Variants in ARFIP1 observed in about 807,000 individuals in gnomAD.
ARFIP1 encodes arfaptin-1.
ARFIP1 carries 24 observed loss-of-function variants against 42.5 expected under a neutral mutation model. The observed-to-expected ratio is 0.57, with a 90% CI of 0.41 to 0.80. The LOEUF (loss-of-function observed/expected upper bound fraction) is 0.80, where lower values mean the gene tolerates loss of function less well. Among genes scored for constraint, ARFIP1 ranks in the 30% least tolerant of loss-of-function variants. The pLI, the probability that ARFIP1 is intolerant of heterozygous loss-of-function variation, is 0.00. For missense variants in ARFIP1, 354 were observed against 434.0 expected (o/e 0.82, Z 1.64); for synonymous variants, 141 against 153.7 (o/e 0.92, Z 0.61).
At chr4:152,781,565 A>G (rs1730502325) in intron 1 of ARFIP1, among the ~76,000 whole-genome samples, 1 of 152,138 alleles carries the variant, frequency 6.6e-6, no homozygotes, top group Non-Finnish European at 1.5e-5. Context: ...CTGTTCTCTC[A>G]GAGCGGCTAC....
At chr4:152,879,837 A>G (rs996093235) in intron 5 of ARFIP1, among the ~76,000 whole-genome samples, 1 of 152,038 alleles carries the variant, frequency 6.6e-6, no homozygotes, top group Non-Finnish European at 1.5e-5. Context: ...CAACAGGAGC[A>G]AAACTCCATC....
rs1366834298 is a variant in ARFIP1, at chr4:152,885,721, G to A, written c.792-2412G>A. 2.6e-5 allele frequency among the ~76,000 whole-genome samples: 4 copies of A among 151,758 alleles called. No homozygotes were observed. In the East Asian group the frequency reaches 5.8e-4, roughly 22 times the overall value. On this transcript the variant is annotated intron_variant, in intron 7 of 8. Transcript: ENST00000353617. ...GTTAATCACTGTTGTTTAGAAATGC[G>A]CTCCAAGGCTATTGAAGGATATTTG...
chr4:152,901,864 T>C (rs1737866556), intron 8 of ARFIP1, among the ~76,000 whole-genome samples: 1 of 152,342 alleles, frequency 6.6e-6, no homozygotes, highest in Non-Finnish European at 1.5e-5. Context: ...CAATCCTGTG[T>C]TAGATCCTTG....
intron 1 of ARFIP1, among the ~76,000 whole-genome samples, chr4:152,787,708 A>G (rs1197547016): frequency 6.6e-6 from 1 of 152,234 alleles, no homozygotes; most frequent in Non-Finnish European, 1.5e-5. Flanking sequence ...AGTATTATAT[A>G]AAATTACCTT....
chr4:152,870,725 T>G lies in ARFIP1; in HGVS notation c.203-28T>G, dbSNP rs776588490. 4 of 1,534,870 alleles carry G rather than the reference T, an allele frequency of 2.6e-6. No homozygotes were observed. In the South Asian group the frequency reaches 4.5e-5, roughly 17 times the overall value. Reference sequence around the variant, plus strand: ...CAGTATGTGGAGGAGGAAAAGGATTTTCACAGTTAAAATGTCTACCTTTTC... The same window carrying G: ...CAGTATGTGGAGGAGGAAAAGGATTGTCACAGTTAAAATGTCTACCTTTTC... On this transcript the variant is annotated intron_variant, in intron 3 of 8. Transcript: ENST00000353617.
chr4:152,889,619 T>C (rs1187049976), intron 8 of ARFIP1, among the ~76,000 whole-genome samples: 4 of 129,790 alleles, frequency 3.1e-5, no homozygotes, highest in Admixed American at 2.5e-4. Context: ...TATATACATA[T>C]ATATACTATA....
At chr4:152,816,838 T>G (rs971314658) in intron 1 of ARFIP1, among the ~76,000 whole-genome samples, 2 of 152,226 alleles carry the variant, frequency 1.3e-5, no homozygotes, top group African/African-American at 4.8e-5. Context: ...ATATGACTCT[T>G]TTTCCACTCT....
At chr4:152,905,660 C>G (rs1738295346) in intron 8 of ARFIP1, among the ~76,000 whole-genome samples, 1 of 142,630 alleles carries the variant, frequency 7.0e-6, no homozygotes, top group Admixed American at 7.5e-5. Flanking sequence ...TCAAGCGATT[C>G]TCCTGCCTCA....
At chr4:152,825,376 T>C (rs1303448488) in intron 1 of ARFIP1, among the ~76,000 whole-genome samples, 2 of 152,082 alleles carry the variant, frequency 1.3e-5, no homozygotes, top group Non-Finnish European at 2.9e-5. Flanking sequence ...TAGAACAGAA[T>C]AGGGAACCCA....
chr4:152,790,590 G>A (rs1209427538), intron 1 of ARFIP1, among the ~76,000 whole-genome samples: 1 of 152,078 alleles, frequency 6.6e-6, no homozygotes, highest in African/African-American at 2.4e-5. Context: ...CCTAAGAGTT[G>A]GTTATGGTGG....
intron 3 of ARFIP1, among the ~76,000 whole-genome samples, chr4:152,866,940 C>T (rs1188151710): frequency 6.6e-6 from 1 of 151,178 alleles, no homozygotes; most frequent in East Asian, 2.0e-4. Context: ...AGATGGATGG[C>T]GGCCGGGAAG....
intron 1 of ARFIP1, among the ~76,000 whole-genome samples, chr4:152,815,784 G>T (rs1049017791): frequency 1.7e-5 from 2 of 119,570 alleles, no homozygotes; most frequent in Non-Finnish European, 3.2e-5. Flanking sequence ...TCGCTCTGTC[G>T]CCCAGGCTGG....
At chr4:152,808,443 A>G (rs1729185182) in intron 1 of ARFIP1, among the ~76,000 whole-genome samples, 3 of 151,262 alleles carry the variant, frequency 2.0e-5, no homozygotes, top group Non-Finnish European at 4.4e-5. Flanking sequence ...TGCTATGAAT[A>G]TTCTTGTACT....
At chr4:152,892,494 C>G (rs1736944109) in intron 8 of ARFIP1, among the ~76,000 whole-genome samples, 1 of 152,158 alleles carries the variant, frequency 6.6e-6, no homozygotes, top group Non-Finnish European at 1.5e-5. Flanking sequence ...AGCCGTGTGA[C>G]TATAGTAATA....
intron 1 of ARFIP1, among the ~76,000 whole-genome samples, chr4:152,810,939 C>T (rs1729403416): frequency 6.6e-6 from 1 of 152,048 alleles, no homozygotes; most frequent in Non-Finnish European, 1.5e-5. Flanking sequence ...TGTGCTGCAG[C>T]GTATCTCTTT....
chr4:152,885,898 T>C (rs1349223194), intron 7 of ARFIP1, among the ~76,000 whole-genome samples: 1 of 152,002 alleles, frequency 6.6e-6, no homozygotes, highest in Non-Finnish European at 1.5e-5. Flanking sequence ...TATTACCAGG[T>C]ATCCTGTGTG....
chr4:152,790,686 C>G (rs1181376994), intron 1 of ARFIP1, among the ~76,000 whole-genome samples: 1 of 148,574 alleles, frequency 6.7e-6, no homozygotes, highest in Non-Finnish European at 1.5e-5. Context: ...ACTATTTTGT[C>G]AGGGCTTTCT....
At chr4:152,872,685 G>A in intron 5 of ARFIP1, 121 bp downstream of exon 5, 1 of 531,270 alleles carries the variant, frequency 1.9e-6, no homozygotes, top group South Asian at 2.9e-5. Flanking sequence ...ATCTAAACAT[G>A]GTAGAAATAC....
At chr4:152,882,634 A>T in intron 6 of ARFIP1, 89 bp from the exon 7 acceptor site, 1 of 1,250,180 alleles carries the variant, frequency 8.0e-7, no homozygotes, top group East Asian at 2.4e-5. Context: ...TCTAAATCAC[A>T]TATTTTCCCA....
Sources: allele counts gnomAD v4.1 joint callset (sites outside exome capture counted in the v4.1 genomes callset), GRCh38; gene constraint gnomAD v4.1.1; transcripts MANE v1.5; gene names NCBI Gene and HGNC (gene_info 2026-07-23, HGNC 2026-07-21).